The following FBXW5 variants were observed in gnomAD, a reference collection of about 807,000 sequenced individuals.
FBXW5 encodes F-box/WD repeat-containing protein 5.
Under a neutral mutation model 50.9 loss-of-function variants are expected in FBXW5, and 74 were observed. That is an observed-to-expected ratio of 1.45 (90% CI 1.20 to 1.76). The LOEUF (loss-of-function observed/expected upper bound fraction) is 1.76. Among genes scored for constraint, FBXW5 ranks in the 40% most tolerant of loss-of-function variants. The pLI is 0.00. For missense variants in FBXW5, 1,073 were observed against 818.8 expected (o/e 1.31, Z -3.79); for synonymous variants, 523 against 362.2 (o/e 1.44, Z -5.04).
chr9:136,943,531 TG>T (rs1850891082), intron 2 of FBXW5, 25 bp from the exon 3 acceptor site: 2 of 1,597,874 alleles, frequency 1.3e-6, no homozygotes, highest in Non-Finnish European at 1.7e-6. Flanking sequence ...TTGTCAGTCC[TG>T]GGCCCGGGCC....
intron 1 of FBXW5, 21 bp downstream of exon 1, chr9:136,944,573 G>T: frequency 1.0e-6 from 1 of 983,660 alleles, no homozygotes; most frequent in Non-Finnish European, 1.2e-6. Context: ...CGGGACCCCC[G>T]AGGGCCGCAG....
chr9:136,941,035 C>T lies in FBXW5; in HGVS notation c.1594G>A (p.Asp532Asn), dbSNP rs777713461. 8.9e-5 allele frequency: 139 copies of T among 1,553,196 alleles called. No homozygotes were observed. Among genetic ancestry groups the T allele is most frequent in the Non-Finnish European group, 1.1e-4 (125 of 1,148,272 alleles). Residue 532 changes from aspartate (D) to asparagine (N), a missense_variant, in exon 9 of 9, where the codon GAC becomes AAC. Physicochemically the swap from Asp to Asn is conservative, Grantham distance 23 (BLOSUM62 1). Coordinates refer to ENST00000325285, the MANE Select transcript of FBXW5 (RefSeq NM_018998.4). ...EQELLLTASDDATIKAWRSPR... is the reference protein window; with the variant it reads ...EQELLLTASDNATIKAWRSPR... ...GAGCGCCAGGCTTTGATGGTGGCGTCGTCGCTGGCCGTGAGCAGCAGCTCC... is the reference window on the plus strand; with the variant it reads ...GAGCGCCAGGCTTTGATGGTGGCGTTGTCGCTGGCCGTGAGCAGCAGCTCC...
intron 3 of FBXW5, 133 bp downstream of exon 3, chr9:136,943,216 C>T (rs1379658164): frequency 1.6e-6 from 2 of 1,245,160 alleles, no homozygotes; most frequent in Non-Finnish European, 2.2e-6. Flanking sequence ...CCGCTGGATG[C>T]AGGGAGGCTG....
rs775396065 is a variant in FBXW5, at chr9:136,942,613, C to G, written c.609G>C (p.Ser203=). ...TATCTCCGATGCGGTGCAGGTTCCC[C>G]GAGATGAGGCTGGTCTCGGTGAGCC... ...GCWLTETSLI[S]GNLHRIGDIT... The change falls in exon 5 of 9, where the codon TCG becomes TCC. Residue 203 remains serine (S), a synonymous_variant. Transcript: ENST00000325285. The G allele has an allele frequency of 3.1e-6, 5 of 1,610,432 alleles. No individual in the cohort carries two copies. The South Asian group carries it at 5.5e-5, about 18-fold the overall frequency.
chr9:136,941,761 G>GT, intron 6 of FBXW5, 77 bp from the exon 7 acceptor site: 1 of 1,435,248 alleles, frequency 7.0e-7, no homozygotes, highest in Non-Finnish European at 9.4e-7. Flanking sequence ...CTACCTCAGT[G>GT]GTGTCTCTGG....
At chr9:136,941,805 C>T (rs1850782268) in intron 6 of FBXW5, 121 bp from the exon 7 acceptor site, 1 of 1,446,962 alleles carries the variant, frequency 6.9e-7, no homozygotes, top group Non-Finnish European at 9.1e-7. Context: ...GTGGGCACTG[C>T]CTGCTCCGGG....
At chr9:136,943,279 GCCTGGGT>G in intron 3 of FBXW5, 63 bp downstream of exon 3, 1 of 772,618 alleles carries the variant, frequency 1.3e-6, no homozygotes, top group Non-Finnish European at 2.0e-6. Context: ...TGGTTGGAAC[GCCTGGGT>G]CCTGGGACCT....
intron 6 of FBXW5, 147 bp from the exon 7 acceptor site, chr9:136,941,831 T>A: frequency 1.4e-6 from 2 of 1,439,382 alleles, no homozygotes; most frequent in Non-Finnish European, 1.8e-6. Context: ...CAGACCTGAA[T>A]CAGGCCCGTC....
chr9:136,943,244 A>AACCCC (rs1564436825), intron 3 of FBXW5, 105 bp downstream of exon 3: 2 of 728,172 alleles, frequency 2.7e-6, no homozygotes, highest in African/African-American at 2.4e-5. Context: ...CTCTGGCCTG[A>AACCCC]CCCACCCCCC....
Position 136,944,738 on chromosome 9 carries a change from G to C in FBXW5, c.-168C>G. The C allele has an allele frequency of 1.0e-6, 1 of 985,572 alleles. No individual in the cohort carries two copies. The highest frequency in any genetic ancestry group is 1.2e-6 in the Non-Finnish European group (1 of 829,932). 61.1% of individuals were successfully genotyped at this position (985,572 alleles called of 1,614,324 possible). ...CGAGCCCCGAGGCATCGATGGCCGA[G>C]GAAGGCAGAGCGCGCGGGTAGCCCG... is the stretch of plus-strand genomic sequence containing the variant. On this transcript the variant is annotated 5_prime_UTR_variant, in exon 1 of 9. Coordinates refer to ENST00000325285, the MANE Select transcript of FBXW5 (RefSeq NM_018998.4).
chr9:136,941,406 C>G lies in FBXW5; in HGVS notation c.1302G>C (p.Met434Ile), dbSNP rs1588457619. 1 of 1,610,732 alleles carries G rather than the reference C, an allele frequency of 6.2e-7. No individual in the cohort carries two copies. Among genetic ancestry groups the G allele is most frequent in the East Asian group, 2.2e-5 (1 of 44,882 alleles). Reference protein sequence around the residue: ...WPNGAVVADPMQPPPIAEEID... With the variant: ...WPNGAVVADPIQPPPIAEEID... ...TCTCCTCCGCGATTGGTGGCGGCTG[C>G]ATGGGGTCGGCCACCACCGCACCGT... is the stretch of plus-strand genomic sequence containing the variant. The change falls in exon 8 of 9, where the codon ATG becomes ATC. Residue 434 changes from methionine (M) to isoleucine (I), a missense_variant. By Grantham distance (10) the Met-to-Ile change is conservative (BLOSUM62 1). Transcript: ENST00000325285.
chr9:136,943,393 A>C lies in FBXW5; in HGVS notation c.307T>G (p.Ser103Ala), dbSNP rs1313360763. ...GAGCAGGACGCGAACTGGTACCCGGAATGGGAGAAGCTGAGGTGCAGGACC... is the reference window on the plus strand; with the variant it reads ...GAGCAGGACGCGAACTGGTACCCGGCATGGGAGAAGCTGAGGTGCAGGACC... ...DQVLHLSFSH[S>A]GYQFASCSKD... The change falls in exon 3 of 9, where the codon TCC becomes GCC. Residue 103 changes from serine to alanine, a missense_variant. By Grantham distance (99) the Ser-to-Ala change is moderately conservative (BLOSUM62 1). Transcript: ENST00000325285. 2 of 1,612,774 alleles carry C rather than the reference A, an allele frequency of 1.2e-6. No homozygotes were observed. The highest frequency in any genetic ancestry group is 2.2e-5 in the South Asian group (2 of 91,086).
At position 136,940,997 on chromosome 9, in the gene FBXW5, C is replaced by T. The variant is rs1408991520; in HGVS notation, c.1632G>A (p.Met544Ile). The T allele has an allele frequency of 1.3e-6, 2 of 1,556,612 alleles. No individual in the cohort carries two copies. Among genetic ancestry groups the T allele is most frequent in the Admixed American group, 3.9e-5 (2 of 51,884 alleles). Residue 544 changes from methionine (M) to isoleucine (I), a missense_variant, in exon 9 of 9, where the codon ATG becomes ATA. Coordinates refer to ENST00000325285, the MANE Select transcript of FBXW5 (RefSeq NM_018998.4). ...GTGGGCGAGGTGCCTGGAGGACGCGCATGGTGCGTGGGGAGCGCCAGGCTT... is the reference window on the plus strand; with the variant it reads ...GTGGGCGAGGTGCCTGGAGGACGCGTATGGTGCGTGGGGAGCGCCAGGCTT... ...TIKAWRSPRT[M>I]RVLQAPRPRP...
chr9:136,942,220 G>T lies in FBXW5; in HGVS notation c.922C>A (p.Arg308Ser). ...AKEGLRHFLDRVLEGRAQPQL... is the reference protein window; with the variant it reads ...AKEGLRHFLDSVLEGRAQPQL... The stretch of plus-strand genomic sequence containing the variant: ...GGCTGCGCCCGCCCCTCCAGCACGC[G>T]GTCCAGAAAGTGCCGCAAGCCCTCC... The change falls in exon 6 of 9, where the codon CGC becomes AGC. Residue 308 changes from arginine to serine, a missense_variant. Physicochemically the swap from Arg to Ser is moderately radical, Grantham distance 110. Coordinates refer to ENST00000325285, the MANE Select transcript of FBXW5 (RefSeq NM_018998.4). The T allele has an allele frequency of 6.3e-7, 1 of 1,592,102 alleles. No homozygotes were observed. Among genetic ancestry groups the T allele is most frequent in the Non-Finnish European group, 8.5e-7 (1 of 1,170,536 alleles).
Position 136,943,794 on chromosome 9 carries a change from G to A in FBXW5, c.193+97C>T, listed in dbSNP as rs912003538. On this transcript the variant is annotated intron_variant, in intron 2 of 8. Transcript: ENST00000325285. The stretch of plus-strand genomic sequence containing the variant: ...GTGGGGGGGTGAGCATGGACACGCG[G>A]GGCCGCGGGGCGGGCCCCCAGCCAG... 17 of 1,344,754 alleles carry A rather than the reference G, an allele frequency of 1.3e-5. No homozygotes were observed. The African/African-American group carries it at 1.5e-4, about 12-fold the overall frequency. The allele number at this position is 1,344,754 out of a possible 1,614,324, so 83.3% of individuals were successfully genotyped here. A position where few individuals can be genotyped will look rare whatever the true frequency, so the allele number is the denominator to read the frequency against.
chr9:136,944,525 G>C, intron 1 of FBXW5, 69 bp downstream of exon 1: 1 of 984,266 alleles, frequency 1.0e-6, no homozygotes, highest in Non-Finnish European at 1.2e-6. Context: ...CGGCCTCGGG[G>C]CTCCTGCACT....
intron 2 of FBXW5, 31 bp from the exon 3 acceptor site, chr9:136,943,537 C>CGGGCCT (rs761086926): frequency 6.3e-7 from 1 of 1,593,664 alleles, no homozygotes; most frequent in African/African-American, 1.3e-5. Flanking sequence ...GTCCTGGGCC[C>CGGGCCT]GGGCCTTCCT....
intron 6 of FBXW5, 145 bp downstream of exon 6, chr9:136,941,894 ACAGGCCC>A: frequency 7.0e-7 from 1 of 1,436,280 alleles, no homozygotes; most frequent in Non-Finnish European, 9.1e-7. Context: ...TGCTCATCCC[ACAGGCCC>A]CAGGTCTGGG....
In FBXW5 at chr9:136,941,359, A is replaced by C; in HGVS notation, c.1349T>G (p.Leu450Arg). The C allele has an allele frequency of 6.2e-7, 1 of 1,611,748 alleles. No homozygotes were observed. Among genetic ancestry groups the C allele is most frequent in the Non-Finnish European group, 8.5e-7 (1 of 1,179,898 alleles). ...CCGCCTCACCTCCCGCATGGTCTTG[A>C]GGTCGAACACCAGCAGGTCAATCTC... is the stretch of plus-strand genomic sequence containing the variant. ...AEEIDLLVFDLKTMREVRRAL... is the reference protein window; with the variant it reads ...AEEIDLLVFDRKTMREVRRAL... The change falls in exon 8 of 9, where the codon CTC becomes CGC. Residue 450 changes from leucine to arginine, a missense_variant. Transcript: ENST00000325285.
Sources: allele counts gnomAD v4.1 joint callset, GRCh38; gene constraint gnomAD v4.1.1; transcripts MANE v1.5; gene names NCBI Gene and HGNC (gene_info 2026-07-23, HGNC 2026-07-21).